The following RPS18 variants were observed in gnomAD, a reference collection of about 807,000 sequenced individuals.
RPS18 encodes the protein ribosomal protein S18.
For missense variants in RPS18, 49 were observed against 200.8 expected, an observed-to-expected ratio of 0.24 and a Z score of 4.57; for synonymous variants, 64 against 70.9, an observed-to-expected ratio of 0.90 and a Z score of 0.49.
At chr6:33,275,107 C>T (rs1765535785) in intron 2 of RPS18, among the ~76,000 whole-genome samples, 1 of 152,110 alleles carries the variant, frequency 6.6e-6, no homozygotes, top group Non-Finnish European at 1.5e-5. Flanking sequence ...CAGCCCAATA[C>T]CTTAATCAAA....
At chr6:33,276,333 T>C in intron 5 of RPS18, 58 bp from the exon 6 acceptor site, 2 of 1,608,298 alleles carry the variant, frequency 1.2e-6, no homozygotes, top group Non-Finnish European at 1.7e-6. Context: ...CTCTTCTTTT[T>C]CCCCAACCTT....
At chr6:33,272,560 T>A in intron 1 of RPS18, 68 bp from the exon 2 acceptor site, 1 of 800,042 alleles carries the variant, frequency 1.2e-6, no homozygotes, top group Non-Finnish European at 2.3e-6. Context: ...GAAGTTCGTT[T>A]GCCTTATCGG....
At chr6:33,272,201 G>C (rs1318266781) in intron 1 of RPS18, 79 bp downstream of exon 1, 5 of 1,495,326 alleles carry the variant, frequency 3.3e-6, no homozygotes, top group Non-Finnish European at 4.6e-6. Context: ...TTCTGGAAAC[G>C]TCCTGCCCTG....
chr6:33,276,451 G>C lies in RPS18; in HGVS notation c.444G>C (p.Val148=). The change falls in exon 6 of 6, where the codon GTG becomes GTC. Residue 148 remains valine, a synonymous_variant. Coordinates refer to ENST00000439602, the MANE Select transcript of RPS18 (RefSeq NM_022551.3). ...TTGRRGRTVG[V]SKKK ...GCCGCCGTGGCCGCACCGTGGGTGT[G>C]TCCAAGAAGAAATAAGTCTGTAGGC... is the stretch of plus-strand genomic sequence containing the variant. 7 of 1,612,224 alleles carry C rather than the reference G, an allele frequency of 4.3e-6. No homozygotes were observed. The highest frequency in any genetic ancestry group is 5.1e-6 in the Non-Finnish European group (6 of 1,178,744).
intron 2 of RPS18, chr6:33,275,525 C>A (rs550513668): frequency 1.3e-5 from 6 of 460,014 alleles, no homozygotes; most frequent in South Asian, 1.2e-4. Flanking sequence ...ACCATGTTGG[C>A]CAGGCTGGTT....
At chr6:33,272,758 T>C (rs1263699971) in intron 2 of RPS18, 32 bp downstream of exon 2, 1 of 1,052,526 alleles carries the variant, frequency 9.5e-7, no homozygotes, top group South Asian at 1.3e-5. Flanking sequence ...ATAGGGAATG[T>C]AAATGAGAAT....
chr6:33,275,038 T>G (rs1018539980), intron 2 of RPS18, among the ~76,000 whole-genome samples: 8 of 152,178 alleles, frequency 5.3e-5, no homozygotes, highest in African/African-American at 1.7e-4. Flanking sequence ...ATACTTTGAT[T>G]ATGGGGATAC....
chr6:33,272,301 A>G (rs1765255387), intron 1 of RPS18, 179 bp downstream of exon 1: 1 of 718,928 alleles, frequency 1.4e-6, no homozygotes, highest in Non-Finnish European at 2.3e-6. Context: ...GGCCCGAGGA[A>G]GGGTCACTGC....
chr6:33,272,159 G>A, intron 1 of RPS18, 37 bp downstream of exon 1: 1 of 1,554,812 alleles, frequency 6.4e-7, no homozygotes, highest in Non-Finnish European at 8.7e-7. Context: ...CAGCGGCATC[G>A]CAGCTCGGGC....
chr6:33,272,906 A>G (rs1765331582), intron 2 of RPS18, among the ~76,000 whole-genome samples, 180 bp downstream of exon 2: 1 of 152,214 alleles, frequency 6.6e-6, no homozygotes, highest in Non-Finnish European at 1.5e-5. Flanking sequence ...CACAGAAAAT[A>G]AGTGATTAAA....
intron 1 of RPS18, 110 bp downstream of exon 1, chr6:33,272,232 T>C (rs572500580): frequency 7.3e-6 from 9 of 1,232,054 alleles, no homozygotes; most frequent in Non-Finnish European, 1.0e-5. Flanking sequence ...ACTTTCTGTA[T>C]GGAGCCTTGG....
rs775602048 is a variant in RPS18, at chr6:33,276,241, C to T, written c.357C>T (p.Ala119=). 3.7e-6 allele frequency: 6 copies of T among 1,613,934 alleles called. No homozygotes were observed. Among genetic ancestry groups the T allele is most frequent in the Non-Finnish European group, 5.1e-6 (6 of 1,180,014 alleles). The change falls in exon 5 of 6, where the codon GCC becomes GCT. Residue 119 remains alanine, a synonymous_variant. Transcript: ENST00000439602. ...EDLERLKKIR[A]HRGLRHFWGL... ...TGGAGCGACTGAAGAAGATTCGGGC[C>T]CATAGAGGGCTGCGTCACTTCTGGG...
intron 5 of RPS18, 26 bp downstream of exon 5, chr6:33,276,293 C>T (rs1765618458): frequency 1.2e-6 from 2 of 1,605,752 alleles, no homozygotes. Context: ...CATCTCCCTG[C>T]CTACCTCGAC....
rs375266111 is a variant in RPS18 at position 33,275,943 on chromosome 6, C to A, written c.190-22C>A. The A allele has an allele frequency of 8.3e-5, 134 of 1,611,880 alleles. No homozygotes were observed. In the African/African-American group the frequency reaches 1.7e-3, roughly 20 times the overall value. On this transcript the variant is annotated intron_variant, in intron 3 of 5. Coordinates refer to ENST00000439602, the MANE Select transcript of RPS18 (RefSeq NM_022551.3). ...GCCTCAGAAAGGGGTCCATCTAGAT[C>A]TGACCTTGGTCTGCCTGCCAGGTGG...
At chr6:33,272,940 A>G (rs1765335279) in intron 2 of RPS18, among the ~76,000 whole-genome samples, 1 of 152,224 alleles carries the variant, frequency 6.6e-6, no homozygotes. Flanking sequence ...TCTAAGGTCA[A>G]GCCAAAACAT....
At chr6:33,276,367 T>TGACTCTTCTCTTTTTACCTGC (rs768039446) in intron 5 of RPS18, 24 bp from the exon 6 acceptor site, 1 of 1,613,334 alleles carries the variant, frequency 6.2e-7, no homozygotes, top group Non-Finnish European at 8.5e-7. Flanking sequence ...GCATGACCTG[T>TGACTCTTCTCTTTTTACCTGC]GACTCTTCTC....
At chr6:33,275,509 G>C (rs1357948922) in intron 2 of RPS18, 1 of 413,108 alleles carries the variant, frequency 2.4e-6, no homozygotes, top group Admixed American at 4.0e-5. Flanking sequence ...GTAGAGACAG[G>C]GTTTCACCAT....
At position 33,274,001 on chromosome 6, in the gene RPS18, A is replaced by G. The variant is rs373797202; in HGVS notation, c.102+1275A>G. 2.0e-5 allele frequency among the ~76,000 whole-genome samples: 3 copies of G among 152,252 alleles called. No homozygotes were observed. The East Asian group carries it at 5.8e-4, about 29-fold the overall frequency. On this transcript the variant is annotated intron_variant, in intron 2 of 5. Coordinates refer to ENST00000439602, the MANE Select transcript of RPS18 (RefSeq NM_022551.3). ...GAGACAGAGTCTCACCCCGTCACCC[A>G]GGCCGGAGTGCAATGGTGCAATCTT... is the stretch of plus-strand genomic sequence containing the variant.
At chr6:33,275,645 T>C (rs973485644) in intron 2 of RPS18, 152 bp from the exon 3 acceptor site, 1 of 703,770 alleles carries the variant, frequency 1.4e-6, no homozygotes, top group South Asian at 1.6e-5. Context: ...TCGAACGGTT[T>C]ATATCTGGAA....
Sources: allele counts gnomAD v4.1 joint callset (sites outside exome capture counted in the v4.1 genomes callset), GRCh38; gene constraint gnomAD v4.1.1; transcripts MANE v1.5; gene names NCBI Gene and HGNC (gene_info 2026-07-23, HGNC 2026-07-21).